Variants in TSPAN14 observed in about 807,000 individuals in gnomAD.
TSPAN14 encodes the protein tetraspanin-14.
Under a neutral mutation model 36.6 loss-of-function variants are expected in TSPAN14, and 16 were observed. That is an observed-to-expected ratio of 0.44 (90% CI 0.30 to 0.66). The LOEUF is 0.66. TSPAN14 is among the 30% of genes least tolerant of loss of function. The probability of loss-of-function intolerance (pLI) is 0.12; values close to 1 mark genes in which losing one functional copy is unlikely to be tolerated. For missense variants in TSPAN14, 231 were observed against 355.1 expected, an observed-to-expected ratio of 0.65 and a Z score of 2.81; for synonymous variants, 139 against 143.8, an observed-to-expected ratio of 0.97 and a Z score of 0.24.
At chr10:80,510,100 C>G (rs1840535686) in intron 5 of TSPAN14, among the ~76,000 whole-genome samples, 1 of 152,220 alleles carries the variant, frequency 6.6e-6, no homozygotes, top group African/African-American at 2.4e-5. Context: ...GACGCTTGGA[C>G]CATAGCTGTC....
chr10:80,489,149 T>G, intron 1 of TSPAN14, 68 bp from the exon 2 acceptor site: 36 of 1,034,596 alleles, frequency 3.5e-5, no homozygotes, highest in Non-Finnish European at 5.1e-5. Context: ...AATCCGCATA[T>G]GAGCTGGTTT....
At chr10:80,481,604 G>A (rs1181083108) in intron 1 of TSPAN14, among the ~76,000 whole-genome samples, 1 of 152,212 alleles carries the variant, frequency 6.6e-6, no homozygotes, top group African/African-American at 2.4e-5. Flanking sequence ...GGGAGTAAAG[G>A]GTTAAGTCCT....
At chr10:80,516,751 G>T (rs1474075920) in intron 8 of TSPAN14, among the ~76,000 whole-genome samples, 1 of 152,222 alleles carries the variant, frequency 6.6e-6, no homozygotes, top group Non-Finnish European at 1.5e-5. Flanking sequence ...AGGCTCACGT[G>T]TGTGCACTTG....
At chr10:80,496,830 A>G (rs1171836462) in intron 2 of TSPAN14, among the ~76,000 whole-genome samples, 1 of 151,564 alleles carries the variant, frequency 6.6e-6, no homozygotes, top group Admixed American at 6.6e-5. Flanking sequence ...TATGTCTCCA[A>G]TTTCTTTCCT....
At chr10:80,464,943 G>A (rs1023636649) in intron 1 of TSPAN14, among the ~76,000 whole-genome samples, 1 of 152,170 alleles carries the variant, frequency 6.6e-6, no homozygotes. Flanking sequence ...GGTAGCAGGA[G>A]CCCTTTATGC....
intron 1 of TSPAN14, among the ~76,000 whole-genome samples, chr10:80,485,281 A>G (rs897890345): frequency 2.0e-5 from 3 of 152,124 alleles, no homozygotes; most frequent in African/African-American, 7.2e-5. Flanking sequence ...GCCTTCCTTC[A>G]GTATGATGTG....
At chr10:80,520,885 G>A (rs752567819) in exon 9 of TSPAN14, 3 of 516,794 alleles carry the variant, frequency 5.8e-6, no homozygotes, top group Admixed American at 3.9e-5. Flanking sequence ...GCCCAGGCTC[G>A]CCAGTTCTCT....
At chr10:80,464,448 G>A (rs1240804328) in intron 1 of TSPAN14, among the ~76,000 whole-genome samples, 2 of 152,200 alleles carry the variant, frequency 1.3e-5, no homozygotes, top group Admixed American at 6.5e-5. Context: ...TGTTGGAGGT[G>A]CCCACTCTGT....
intron 1 of TSPAN14, among the ~76,000 whole-genome samples, chr10:80,487,182 C>T (rs1228748118): frequency 6.6e-6 from 1 of 152,318 alleles, no homozygotes; most frequent in African/African-American, 2.4e-5. Context: ...CCCCTCTCTG[C>T]GAATCCGTGT....
chr10:80,511,585 G>A (rs1870148), intron 5 of TSPAN14, among the ~76,000 whole-genome samples: 130,990 of 152,162 alleles, frequency 0.86, 56,904 homozygotes, highest in East Asian at 0.98. Context: ...GTGCCTGGCA[G>A]TGGGGCCAGA....
exon 9 of TSPAN14, chr10:80,522,231 C>G (rs1004065528): frequency 3.3e-5 from 5 of 152,208 alleles, no homozygotes; most frequent in African/African-American, 1.2e-4. Flanking sequence ...CTAGAACTGG[C>G]CAGGTGCAGT....
chr10:80,501,078 C>A (rs1848483944), intron 2 of TSPAN14, among the ~76,000 whole-genome samples: 1 of 151,538 alleles, frequency 6.6e-6, no homozygotes, highest in Admixed American at 6.6e-5. Context: ...TTCACAGAAA[C>A]CTATTAATAT....
chr10:80,469,810 G>C (rs113708206), intron 1 of TSPAN14, among the ~76,000 whole-genome samples: 2 of 152,066 alleles, frequency 1.3e-5, no homozygotes, highest in African/African-American at 4.8e-5. Context: ...GGCTGGGGGA[G>C]CCAGGCCCTG....
chr10:80,485,584 T>C, intron 1 of TSPAN14: 1 of 971,144 alleles, frequency 1.0e-6, no homozygotes, highest in South Asian at 4.8e-5. Flanking sequence ...TCCTAATGAG[T>C]CTCCCATTTA....
intron 1 of TSPAN14, among the ~76,000 whole-genome samples, chr10:80,458,967 A>AT (rs112143030): frequency 0.026 from 3,730 of 140,764 alleles, 49 homozygotes; most frequent in Middle Eastern, 0.044. Flanking sequence ...CAAGTCTTTG[A>AT]TTTTTTTTTT....
At chr10:80,491,888 A>AG (rs1403362078) in intron 2 of TSPAN14, among the ~76,000 whole-genome samples, 3 of 152,190 alleles carry the variant, frequency 2.0e-5, no homozygotes, top group Non-Finnish European at 2.9e-5. Context: ...TGCCTTGCCT[A>AG]GGGGGAAGCT....
At chr10:80,515,714 G>C (rs967102887) in intron 7 of TSPAN14, 7 of 165,930 alleles carry the variant, frequency 4.2e-5, no homozygotes, top group Admixed American at 4.0e-4. Context: ...ACCGGGGTTA[G>C]CAGTGGAGGG....
Position 80,511,752 on chromosome 10 carries a change from CTCTCTCTCTCTCTCTCTCT to C in TSPAN14, c.451-391_451-373del, listed in dbSNP as rs1564745217. Among the ~76,000 whole-genome samples, 55 of 139,190 alleles carry C rather than the reference CTCTCTCTCTCTCTCTCTCT, an allele frequency of 4.0e-4. 1 individual carries two copies. The highest frequency in any genetic ancestry group is 1.5e-3 in the African/African-American group (55 of 37,168). 91.3% of individuals were successfully genotyped at this position (139,190 alleles called of 152,430 possible). A position where few individuals can be genotyped will look rare whatever the true frequency, so the allele number is the denominator to read the frequency against. Reference sequence around the variant, plus strand: ...TCTCTCTCTCTCTCTCTCTCTCTCTCTCTCTCTCTCTCTCTCTCTCCCCTTTTTTCTTTCTCTCCTTTTC... The same window carrying C: ...TCTCTCTCTCTCTCTCTCTCTCTCTCCCCCTTTTTTCTTTCTCTCCTTTTC... On this transcript the variant is annotated intron_variant, in intron 5 of 8. Transcript: ENST00000429989.
chr10:80,469,953 A>G (rs1846451959), intron 1 of TSPAN14, among the ~76,000 whole-genome samples: 1 of 152,152 alleles, frequency 6.6e-6, no homozygotes, highest in African/African-American at 2.4e-5. Flanking sequence ...GATTGGTTTT[A>G]GCCCCAGCAC....
Sources: allele counts gnomAD v4.1 joint callset (sites outside exome capture counted in the v4.1 genomes callset), GRCh38; gene constraint gnomAD v4.1.1; transcripts MANE v1.5; gene names NCBI Gene and HGNC (gene_info 2026-07-23, HGNC 2026-07-21).